The following LIN52 variants were observed in gnomAD, a reference collection of about 807,000 sequenced individuals.
LIN52 encodes the protein lin-52 DREAM MuvB core complex component.
In LIN52, 4 loss-of-function variants were observed where a neutral mutation model predicts 18.5. The ratio of observed to expected loss-of-function variants is 0.22; its 90% confidence interval spans 0.11 to 0.49. The LOEUF is 0.49. Among genes scored for constraint, LIN52 ranks in the 20% least tolerant of loss-of-function variants. LIN52 has a pLI of 0.97. For missense variants in LIN52, 102 were observed against 139.5 expected (o/e 0.73, Z 1.35); for synonymous variants, 34 against 45.5 (o/e 0.75, Z 1.02).
At chr14:74,141,219 C>T (rs1016140201) in intron 5 of LIN52, among the ~76,000 whole-genome samples, 6 of 152,156 alleles carry the variant, frequency 3.9e-5, no homozygotes, top group Non-Finnish European at 8.8e-5. Flanking sequence ...AATTTATGAG[C>T]GGTAACTGCC....
intron 5 of LIN52, among the ~76,000 whole-genome samples, chr14:74,179,604 C>T (rs1222071059): frequency 6.8e-6 from 1 of 147,508 alleles, no homozygotes; most frequent in East Asian, 2.0e-4. Context: ...TGCAGTGAAC[C>T]AAGATCAGGC....
chr14:74,190,389 C>CTTTTTTTTTTTTTTTTT (rs68037994), intron 5 of LIN52, among the ~76,000 whole-genome samples: 1 of 106,306 alleles, frequency 9.4e-6, no homozygotes, highest in African/African-American at 3.8e-5. Context: ...GCCTAAATAA[C>CTTTTTTTTTTTTTTTTT]TTTTTTTTTT....
rs554965956 is a variant in LIN52 at position 74,153,647 on chromosome 14, T to C, written c.284-45275T>C. On this transcript the variant is annotated intron_variant, in intron 5 of 5. Coordinates refer to ENST00000555028, the MANE Select transcript of LIN52 (RefSeq NM_001024674.3). ...GCAACCTACACCCCTCAGGTTCAAGTGATTCTCCTGCCTCAGCCTCCCGAT... is the reference window on the plus strand; with the variant it reads ...GCAACCTACACCCCTCAGGTTCAAGCGATTCTCCTGCCTCAGCCTCCCGAT... Among the ~76,000 whole-genome samples, 489 of 151,810 alleles carry C rather than the reference T, an allele frequency of 3.2e-3. 3 individuals are homozygous for C. The highest frequency in any genetic ancestry group is 2.4e-3 in the Non-Finnish European group (162 of 67,942).
At chr14:74,147,959 T>C (rs1432161027) in intron 5 of LIN52, among the ~76,000 whole-genome samples, 2 of 152,260 alleles carry the variant, frequency 1.3e-5, no homozygotes, top group East Asian at 1.9e-4. Context: ...GTAAGTGTTA[T>C]GTATATTTCA....
At chr14:74,170,226 G>C (rs535450637) in intron 5 of LIN52, among the ~76,000 whole-genome samples, 1 of 152,128 alleles carries the variant, frequency 6.6e-6, no homozygotes, top group Non-Finnish European at 1.5e-5. Context: ...TGGCCCATTC[G>C]TTATTGTATC....
At chr14:74,138,164 C>T (rs768001437) in intron 5 of LIN52, among the ~76,000 whole-genome samples, 2 of 152,202 alleles carry the variant, frequency 1.3e-5, no homozygotes, top group Non-Finnish European at 2.9e-5. Context: ...GTTTTTCACA[C>T]CATGCTCCCT....
At chr14:74,188,759 C>G (rs181313349) in intron 5 of LIN52, among the ~76,000 whole-genome samples, 2 of 152,220 alleles carry the variant, frequency 1.3e-5, no homozygotes, top group Non-Finnish European at 2.9e-5. Context: ...AATCCAAATG[C>G]AATTAGCATC....
At chr14:74,141,032 A>G (rs959118590) in intron 5 of LIN52, among the ~76,000 whole-genome samples, 7 of 152,242 alleles carry the variant, frequency 4.6e-5, no homozygotes, top group African/African-American at 1.7e-4. Context: ...TTTCATTTCA[A>G]TTATCAAACA....
At chr14:74,170,993 C>A (rs1489821058) in intron 5 of LIN52, among the ~76,000 whole-genome samples, 1 of 140,224 alleles carries the variant, frequency 7.1e-6, no homozygotes, top group Non-Finnish European at 1.5e-5. Context: ...CAAGCCTGGG[C>A]AACATAGTGA....
intron 5 of LIN52, among the ~76,000 whole-genome samples, chr14:74,121,972 TTTTG>T (rs1303058924): frequency 1.3e-5 from 2 of 152,000 alleles, no homozygotes; most frequent in Non-Finnish European, 2.9e-5. Context: ...CCACTGGAAT[TTTTG>T]TTTATCATGT....
chr14:74,119,594 A>G (rs1304487236), intron 5 of LIN52, among the ~76,000 whole-genome samples: 1 of 152,218 alleles, frequency 6.6e-6, no homozygotes, highest in Non-Finnish European at 1.5e-5. Flanking sequence ...TCAATTTACA[A>G]ACCTATCAGC....
chr14:74,196,693 G>GTTCA (rs540791313), intron 5 of LIN52, among the ~76,000 whole-genome samples: 92 of 152,208 alleles, frequency 6.0e-4, no homozygotes, highest in African/African-American at 1.5e-3. Context: ...TGTGCAGTTT[G>GTTCA]TTCATTCATT....
chr14:74,181,451 A>C (rs1396360915), intron 5 of LIN52, among the ~76,000 whole-genome samples: 5 of 151,934 alleles, frequency 3.3e-5, no homozygotes, highest in Admixed American at 6.6e-5. Flanking sequence ...AAAAAAAAAA[A>C]TTCTAGTACA....
Position 74,183,085 on chromosome 14 carries a change from TTCTC to T in LIN52, c.284-15821_284-15818del, listed in dbSNP as rs200164383. Among the ~76,000 whole-genome samples the T allele has an allele frequency of 6.9e-5, 10 of 145,588 alleles. No individual in the cohort carries two copies. The South Asian group carries it at 8.6e-4, about 12-fold the overall frequency. On this transcript the variant is annotated intron_variant, in intron 5 of 5. Transcript: ENST00000555028. The stretch of plus-strand genomic sequence containing the variant: ...ACATTCGTGACATGAAAAGTTACCC[TTCTC>T]TCTCTCTCTCTCTCTTTTTTTTTTT...
intron 5 of LIN52, among the ~76,000 whole-genome samples, chr14:74,137,961 C>T (rs2061107752): frequency 2.0e-5 from 3 of 152,156 alleles, no homozygotes; most frequent in Non-Finnish European, 4.4e-5. Context: ...TCTCCTTCTT[C>T]CAAATGAATT....
intron 1 of LIN52, among the ~76,000 whole-genome samples, chr14:74,085,802 A>T (rs1297161128): frequency 6.6e-6 from 1 of 152,130 alleles, no homozygotes; most frequent in Non-Finnish European, 1.5e-5. Context: ...TTTTAGTTCT[A>T]CCATCCTCAT....
At chr14:74,085,080 C>A in intron 1 of LIN52, 87 bp downstream of exon 1, 3 of 1,181,958 alleles carry the variant, frequency 2.5e-6, no homozygotes, top group Non-Finnish European at 3.3e-6. Flanking sequence ...CTCGAACATA[C>A]ATTTCTTTCT....
chr14:74,134,999 A>G (rs1281233861), intron 5 of LIN52, among the ~76,000 whole-genome samples: 2 of 152,166 alleles, frequency 1.3e-5, no homozygotes, highest in Non-Finnish European at 2.9e-5. Context: ...TACTCAACAA[A>G]TCCCTCAAGA....
At chr14:74,117,401 C>T (rs1016231110) in intron 5 of LIN52, among the ~76,000 whole-genome samples, 1 of 151,986 alleles carries the variant, frequency 6.6e-6, no homozygotes, top group African/African-American at 2.4e-5. Context: ...GAGCAAAGAA[C>T]CATTTGGAAT....
Sources: allele counts gnomAD v4.1 joint callset (sites outside exome capture counted in the v4.1 genomes callset), GRCh38; gene constraint gnomAD v4.1.1; transcripts MANE v1.5; gene names NCBI Gene and HGNC (gene_info 2026-07-23, HGNC 2026-07-21).